ATP11C: variants seen among roughly 807,000 people sequenced by gnomAD.
ATP11C encodes the protein phospholipid-transporting ATPase IG.
ATP11C carries 36 observed loss-of-function variants against 97.4 expected under a neutral mutation model. The observed-to-expected ratio is 0.37, with a 90% CI of 0.28 to 0.49. The LOEUF (loss-of-function observed/expected upper bound fraction) is 0.49, where lower values mean the gene tolerates loss of function less well. Ranked by LOEUF, ATP11C falls within the 20% of genes least tolerant of loss-of-function variation. The pLI is 0.98. For synonymous variants in ATP11C, 275 were observed against 290.9 expected (o/e 0.95, Z 0.56); for missense variants, 730 against 824.6 (o/e 0.89, Z 1.40).
chrX:139,847,340 G>T (rs904047463), intron 1 of ATP11C, among the ~76,000 whole-genome samples: 3 of 111,009 alleles, frequency 2.7e-5, no homozygotes, highest in African/African-American at 9.9e-5. Flanking sequence ...TCAAGATCAC[G>T]CCACTGCACT....
chrX:139,868,459 T>C (rs1339556157), intron 1 of ATP11C, among the ~76,000 whole-genome samples: 4 of 109,130 alleles, frequency 3.7e-5, no homozygotes, highest in Non-Finnish European at 5.7e-5. Flanking sequence ...CTCAAGCCTG[T>C]AATCCCAACA....
rs942315229 is a variant in ATP11C, at chrX:139,798,503, T to C, written c.776-149A>G. The C allele has an allele frequency of 1.4e-5, 7 of 499,788 alleles. No homozygotes were observed. In the African/African-American group the frequency reaches 1.7e-4, roughly 12 times the overall value. 41.2% of individuals were successfully genotyped at this position (499,788 alleles called of 1,213,427 possible). A position where few individuals can be genotyped will look rare whatever the true frequency, so the allele number is the denominator to read the frequency against. On this transcript the variant is annotated intron_variant, in intron 9 of 29. Transcript: ENST00000682941. ...TATATCATTTATAGGATAATTTTAA[T>C]TATATATAGTATTTGTCATATTTCG... is the stretch of plus-strand genomic sequence containing the variant.
chrX:139,823,183 G>A (rs1401526428), intron 2 of ATP11C, among the ~76,000 whole-genome samples: 1 of 111,650 alleles, frequency 9.0e-6, no homozygotes, highest in Non-Finnish European at 1.9e-5. Context: ...CTACATTCCA[G>A]CCTGGGCGAC....
At chrX:139,921,125 T>TA (rs1403784557) in intron 1 of ATP11C, among the ~76,000 whole-genome samples, 5 of 111,517 alleles carry the variant, frequency 4.5e-5, no homozygotes, top group African/African-American at 6.5e-5. Flanking sequence ...GCTAATGACT[T>TA]AGACGAGGGT....
At chrX:139,904,042 T>C (rs1030976863) in intron 1 of ATP11C, among the ~76,000 whole-genome samples, 1 of 112,035 alleles carries the variant, frequency 8.9e-6, no homozygotes, top group African/African-American at 3.2e-5. Context: ...GTCTTGTCTT[T>C]TGTAAACACT....
intron 1 of ATP11C, among the ~76,000 whole-genome samples, chrX:139,889,780 G>T (rs1393622297): frequency 8.9e-6 from 1 of 112,021 alleles, no homozygotes; most frequent in Non-Finnish European, 1.9e-5. Flanking sequence ...ACTGTTAATT[G>T]ATATAATTGT....
chrX:139,737,478 T>C (rs1201919016), intron 28 of ATP11C, among the ~76,000 whole-genome samples: 1 of 110,469 alleles, frequency 9.1e-6, no homozygotes, highest in Non-Finnish European at 1.9e-5. Flanking sequence ...TAAGCAGCAC[T>C]ATAATTAAAG....
At position 139,756,335 on chromosome X, in the gene ATP11C, G is replaced by T. The variant is rs2081934788; in HGVS notation, c.2700+1473C>A. ...AAAGTCAAAAAAGTAACAGATGCTGGCAAGGTTGCAGAGAAAAGGGAACAC... is the reference window on the plus strand; with the variant it reads ...AAAGTCAAAAAAGTAACAGATGCTGTCAAGGTTGCAGAGAAAAGGGAACAC... On this transcript the variant is annotated intron_variant, in intron 23 of 29. Transcript: ENST00000682941. 2.7e-5 allele frequency among the ~76,000 whole-genome samples: 3 copies of T among 111,982 alleles called. No individual in the cohort carries two copies. The South Asian group carries it at 1.1e-3, about 42-fold the overall frequency.
At chrX:139,828,745 G>A (rs369219526) in intron 1 of ATP11C, among the ~76,000 whole-genome samples, 32 of 111,867 alleles carry the variant, frequency 2.9e-4, no homozygotes, top group East Asian at 2.2e-3. Flanking sequence ...AGGCAAAGGA[G>A]GTAGAGAATC....
intron 5 of ATP11C, among the ~76,000 whole-genome samples, chrX:139,813,774 G>A (rs1006409866): frequency 9.0e-6 from 1 of 111,485 alleles, no homozygotes; most frequent in Non-Finnish European, 1.9e-5. Context: ...GAATGAACAG[G>A]AAGAGAACAG....
chrX:139,832,007 A>T, intron 1 of ATP11C: 1 of 561,362 alleles, frequency 1.8e-6, no homozygotes, highest in Non-Finnish European at 2.8e-6. Context: ...AGGAGCAGTG[A>T]GGCTGAAAAT....
chrX:139,862,866 T>C (rs2084224900), intron 1 of ATP11C, among the ~76,000 whole-genome samples: 1 of 111,896 alleles, frequency 8.9e-6, no homozygotes. Context: ...GAAAACATAC[T>C]AGTGCTTTAA....
At chrX:139,756,549 T>A (rs955025671) in intron 23 of ATP11C, among the ~76,000 whole-genome samples, 2 of 111,955 alleles carry the variant, frequency 1.8e-5, no homozygotes, top group Admixed American at 1.9e-4. Context: ...TTCTTCATAA[T>A]ATCAAAGATA....
intron 20 of ATP11C, among the ~76,000 whole-genome samples, chrX:139,767,746 C>A (rs1477063215): frequency 9.0e-6 from 1 of 111,531 alleles, no homozygotes; most frequent in Non-Finnish European, 1.9e-5. Flanking sequence ...TAGAGGATGG[C>A]ACAAAATAAA....
At chrX:139,903,474 C>T (rs2084928747) in intron 1 of ATP11C, among the ~76,000 whole-genome samples, 1 of 109,615 alleles carries the variant, frequency 9.1e-6, no homozygotes, top group African/African-American at 3.3e-5. Flanking sequence ...ATAGCTGACA[C>T]GTGGAGGTTC....
chrX:139,736,076 T>C (rs1224312156), intron 28 of ATP11C, among the ~76,000 whole-genome samples: 1 of 111,774 alleles, frequency 8.9e-6, no homozygotes, highest in African/African-American at 3.2e-5. Flanking sequence ...CATAACAAAT[T>C]TCATGCTAAA....
At chrX:139,867,615 T>G (rs188809351) in intron 1 of ATP11C, among the ~76,000 whole-genome samples, 1 of 111,391 alleles carries the variant, frequency 9.0e-6, no homozygotes, top group African/African-American at 3.3e-5. Flanking sequence ...AAGCCCAAAC[T>G]CAGGGGTCAG....
intron 1 of ATP11C, among the ~76,000 whole-genome samples, chrX:139,882,364 A>C (rs926537125): frequency 9.0e-6 from 1 of 111,545 alleles, no homozygotes; most frequent in East Asian, 2.8e-4. Context: ...GTAGCCAAGA[A>C]GAGGCCAAGA....
chrX:139,822,407 G>C lies in ATP11C; in HGVS notation c.148-2980C>G, dbSNP rs577764642. ...TTTGTTTTTTGGGTTTTTTTTGTTT[G>C]TTTGTTTGTTTGTTTGTTTTTTTTG... On this transcript the variant is annotated intron_variant, in intron 2 of 29. Transcript: ENST00000682941. Among the ~76,000 whole-genome samples the C allele has an allele frequency of 7.4e-4, 71 of 95,373 alleles. 1 individual carries two copies. In the South Asian group the frequency reaches 0.028, roughly 37 times the overall value. 82.8% of individuals were successfully genotyped at this position (95,373 alleles called of 115,157 possible).
Sources: allele counts gnomAD v4.1 joint callset (sites outside exome capture counted in the v4.1 genomes callset), GRCh38; gene constraint gnomAD v4.1.1; transcripts MANE v1.5; gene names NCBI Gene and HGNC (gene_info 2026-07-23, HGNC 2026-07-21).